ITLN2: variants seen among roughly 807,000 people sequenced by gnomAD.
ITLN2 encodes the protein intelectin 2, also known as intelectin-2.
A neutral mutation model predicts 39.4 loss-of-function variants in ITLN2; 29 were observed. The observed-to-expected ratio is 0.74, with a 90% confidence interval of 0.55 to 1.00. ITLN2 has a LOEUF of 1.00. Among genes scored for constraint, ITLN2 ranks in the 50% least tolerant of loss-of-function variants. ITLN2 has a pLI of 0.00. For synonymous variants in ITLN2, 156 were observed against 153.4 expected, an observed-to-expected ratio of 1.02 and a Z score of -0.12; for missense variants, 412 against 416.7, an observed-to-expected ratio of 0.99 and a Z score of 0.10.
intron 3 of ITLN2, among the ~76,000 whole-genome samples, chr1:160,951,727 G>A (rs913196579): frequency 6.6e-5 from 10 of 152,180 alleles, no homozygotes; most frequent in East Asian, 1.9e-4. Flanking sequence ...CTGGCTCCAC[G>A]GTGGCATCCT....
Position 160,954,406 on chromosome 1 carries a change from G to A in ITLN2, c.60C>T (p.Ala20=). The A allele has an allele frequency of 6.3e-7, 1 of 1,577,822 alleles. No individual in the cohort carries two copies. The highest frequency in any genetic ancestry group is 1.8e-5 in the Admixed American group (1 of 54,394). ...ATTTACCTGCACTGCACCCACTGGT[G>A]GCCACAGAGAAGAATAACAGGAAGC... ...RLCFLLFFSV[A]TSGCSAAAAS... is the part of the protein sequence containing the mutation. Residue 20 remains alanine, a synonymous_variant, in exon 2 of 8, where the codon GCC becomes GCT. Transcript: ENST00000368029.
chr1:160,947,393 T>C (rs1292036948), intron 7 of ITLN2, among the ~76,000 whole-genome samples: 1 of 152,190 alleles, frequency 6.6e-6, no homozygotes, highest in Non-Finnish European at 1.5e-5. Flanking sequence ...TTCCCAGGGA[T>C]GAGCAGGAGA....
intron 4 of ITLN2, 67 bp from the exon 5 acceptor site, chr1:160,950,778 G>T: frequency 6.4e-7 from 1 of 1,563,388 alleles, no homozygotes; most frequent in East Asian, 2.2e-5. Context: ...GTCCACATGT[G>T]CAGCCTCAGC....
In ITLN2 at chr1:160,954,759, G is replaced by A; in HGVS notation, c.-18C>T. The A allele has an allele frequency of 6.2e-7, 1 of 1,613,794 alleles. No individual in the cohort carries two copies. Among genetic ancestry groups the A allele is most frequent in the South Asian group, 1.1e-5 (1 of 90,978 alleles). Reference sequence around the variant, plus strand: ...GACAGCATCCTTACAGATGCCAGGAGCTGATAGTTCCCTTCCTGTGGACAC... The same window carrying A: ...GACAGCATCCTTACAGATGCCAGGAACTGATAGTTCCCTTCCTGTGGACAC... On this transcript the variant is annotated 5_prime_UTR_variant, in exon 1 of 8. Coordinates refer to ENST00000368029, the MANE Select transcript of ITLN2 (RefSeq NM_080878.3).
chr1:160,945,444 G>A (rs1570967261), intron 7 of ITLN2, 152 bp from the exon 8 acceptor site: 1 of 603,900 alleles, frequency 1.7e-6, no homozygotes, highest in Non-Finnish European at 2.7e-6. Context: ...ACCACACCTG[G>A]CCCTATGCAT....
rs1164184484 is a variant in ITLN2 at position 160,950,986 on chromosome 1, T to A, written c.441+57A>T. 2.5e-6 allele frequency: 4 copies of A among 1,613,638 alleles called. No individual in the cohort carries two copies. In the African/African-American group the frequency reaches 5.3e-5, roughly 22 times the overall value. ...TCCAGCCCTCCCTCCTGCAGGCTGG[T>A]GGCCAGCCACACTCCACACCTCACC... On this transcript the variant is annotated intron_variant, in intron 4 of 7. Transcript: ENST00000368029.
intron 2 of ITLN2, 70 bp downstream of exon 2, chr1:160,954,317 C>T: frequency 8.5e-7 from 1 of 1,181,956 alleles, no homozygotes. Flanking sequence ...CCCAGCTCTA[C>T]TCCCTCCAGG....
intron 7 of ITLN2, among the ~76,000 whole-genome samples, chr1:160,946,637 C>T (rs1475649349): frequency 2.0e-5 from 3 of 151,120 alleles, no homozygotes; most frequent in Non-Finnish European, 4.4e-5. Flanking sequence ...GGCATGAACC[C>T]GGGAGGTGGA....
At chr1:160,950,476 C>T in intron 5 of ITLN2, 77 bp downstream of exon 5, 1 of 1,520,932 alleles carries the variant, frequency 6.6e-7, no homozygotes, top group Non-Finnish European at 9.0e-7. Context: ...AACCACAGGA[C>T]AGATCTGCCC....
In ITLN2 at chr1:160,951,123, C is replaced by T. The variant is rs1671732546; in HGVS notation, c.361G>A (p.Asp121Asn). 1 of 1,614,078 alleles carries T rather than the reference C, an allele frequency of 6.2e-7. No homozygotes were observed. Among genetic ancestry groups the T allele is most frequent in the Non-Finnish European group, 8.5e-7 (1 of 1,180,054 alleles). Residue 121 changes from aspartate (D) to asparagine (N), a missense_variant, in exon 4 of 8, where the codon GAC becomes AAC. Physicochemically the swap from Asp to Asn is conservative, Grantham distance 23. Transcript: ENST00000368029. ...CAGTTGCCATCCCCCTCTGGGTAGT[C>T]TGCTTTGTTGCCCTGCTGACTGGAC... The part of the protein sequence containing the change: ...RWSSQQGNKA[D>N]YPEGDGNWAN...
chr1:160,953,056 C>G (rs938347766), intron 2 of ITLN2, among the ~76,000 whole-genome samples: 3 of 152,176 alleles, frequency 2.0e-5, no homozygotes, highest in Admixed American at 2.0e-4. Flanking sequence ...AGGGCAAACC[C>G]ACTAACGGGG....
intron 7 of ITLN2, among the ~76,000 whole-genome samples, chr1:160,946,955 G>A (rs1363829458): frequency 1.3e-5 from 2 of 152,128 alleles, no homozygotes; most frequent in African/African-American, 2.4e-5. Context: ...CAGGTGGGAT[G>A]AGAGACTGAG....
chr1:160,950,925 T>C, intron 4 of ITLN2, 118 bp downstream of exon 4: 1 of 1,568,834 alleles, frequency 6.4e-7, no homozygotes, highest in Admixed American at 1.7e-5. Flanking sequence ...CCTGTATTTC[T>C]CTCTTCTTCT....
chr1:160,945,199 C>G lies in ITLN2; in HGVS notation c.919G>C (p.Val307Leu), dbSNP rs755418453. The G allele has an allele frequency of 1.2e-6, 2 of 1,607,378 alleles. No individual in the cohort carries two copies. Among genetic ancestry groups the G allele is most frequent in the Admixed American group, 3.4e-5 (2 of 57,976 alleles). Residue 307 changes from valine (V) to leucine (L), a missense_variant, in exon 8 of 8, where the codon GTT becomes CTT. Coordinates refer to ENST00000368029, the MANE Select transcript of ITLN2 (RefSeq NM_080878.3). ...AFDWDGYGTH[V>L]KSSCSREITE... ...ATCTCCCGACTGCAGCTGCTCTTAA[C>G]GTGAGTTCCATATCCATCCCAGTCA...
At chr1:160,946,684 GC>G (rs1671611641) in intron 7 of ITLN2, among the ~76,000 whole-genome samples, 1 of 150,870 alleles carries the variant, frequency 6.6e-6, no homozygotes, top group Non-Finnish European at 1.5e-5. Context: ...CTGCACTCCA[GC>G]CTTGGTGACA....
At chr1:160,953,842 G>A (rs575302533) in intron 2 of ITLN2, among the ~76,000 whole-genome samples, 71 of 152,028 alleles carry the variant, frequency 4.7e-4, no homozygotes, top group Non-Finnish European at 1.6e-4. Flanking sequence ...TTCTTTATAC[G>A]CATGGAGATC....
chr1:160,952,867 C>T (rs1021824193), intron 2 of ITLN2, 134 bp from the exon 3 acceptor site: 24 of 637,090 alleles, frequency 3.8e-5, no homozygotes, highest in African/African-American at 1.1e-4. Flanking sequence ...TATGCTAAGA[C>T]GGTCTGATCC....
intron 3 of ITLN2, 52 bp downstream of exon 3, chr1:160,952,568 T>G: frequency 7.9e-7 from 1 of 1,263,084 alleles, no homozygotes; most frequent in Non-Finnish European, 1.2e-6. Context: ...TGGGCTCTGT[T>G]GAGCTAAAAA....
chr1:160,945,398 C>T lies in ITLN2; in HGVS notation c.826-106G>A, dbSNP rs865995394. ...CAGACCTCAAGTTATCCGCCTGCCT[C>T]GGCCTCCCAAAGTGCTAGGATTACA... On this transcript the variant is annotated intron_variant, in intron 7 of 7. Transcript: ENST00000368029. 28 of 1,069,570 alleles carry T rather than the reference C, an allele frequency of 2.6e-5. 1 individual carries two copies. The highest frequency in any genetic ancestry group is 3.2e-4 in the Middle Eastern group (1 of 3,160). The allele number at this position is 1,069,570 out of a possible 1,614,324, so 66.3% of individuals were successfully genotyped here.
Sources: allele counts gnomAD v4.1 joint callset (sites outside exome capture counted in the v4.1 genomes callset), GRCh38; gene constraint gnomAD v4.1.1; transcripts MANE v1.5; gene names NCBI Gene and HGNC (gene_info 2026-07-23, HGNC 2026-07-21).